SH3RF2: variants seen among roughly 807,000 people sequenced by gnomAD.
SH3RF2 encodes the protein SH3 domain containing ring finger 2, also known as E3 ubiquitin-protein ligase SH3RF2.
Under a neutral mutation model 59.0 loss-of-function variants are expected in SH3RF2, and 43 were observed. The observed-to-expected ratio is 0.73, with a 90% CI of 0.57 to 0.94. SH3RF2 has a LOEUF of 0.94. Among genes scored for constraint, SH3RF2 ranks in the 40% least tolerant of loss-of-function variants. The pLI, the probability that SH3RF2 is intolerant of heterozygous loss-of-function variation, is 0.00. For missense variants in SH3RF2, 930 were observed against 940.1 expected (o/e 0.99, Z 0.14); for synonymous variants, 391 against 391.5 (o/e 1.00, Z 0.01).
At chr5:146,075,778 TA>T (rs56300547) in intron 9 of SH3RF2, among the ~76,000 whole-genome samples, 1,184 of 76,870 alleles carry the variant, frequency 0.015, 2 homozygotes, top group African/African-American at 0.024. Context: ...AAATTCCATG[TA>T]AAAAAAAAAA....
intron 2 of SH3RF2, among the ~76,000 whole-genome samples, chr5:145,985,971 T>C (rs962977667): frequency 2.6e-5 from 4 of 151,736 alleles, no homozygotes; most frequent in Non-Finnish European, 5.9e-5. Flanking sequence ...ACTGCTGCAC[T>C]CCAGCCTGGG....
intron 2 of SH3RF2, among the ~76,000 whole-genome samples, chr5:145,939,008 A>T (rs1757707057): frequency 6.6e-6 from 1 of 152,272 alleles, no homozygotes; most frequent in Non-Finnish European, 1.5e-5. Flanking sequence ...AAACAGACCC[A>T]GTTACGCCTC....
In SH3RF2 at chr5:146,062,620, C is replaced by A. The variant is rs1276968275; in HGVS notation, c.2109C>A (p.Leu703=). The A allele has an allele frequency of 1.9e-6, 3 of 1,614,092 alleles. No individual in the cohort carries two copies. In the Admixed American group the frequency reaches 5.0e-5, roughly 27 times the overall value. Residue 703 remains leucine, a synonymous_variant, in exon 10 of 10, where the codon CTC becomes CTA. Coordinates refer to ENST00000359120, the MANE Select transcript of SH3RF2 (RefSeq NM_152550.4). ...SGCHSGQQTD[L]RRKSALGKAT... ...GCCACTCCGGACAGCAGACAGACCTCCGGAGAAAGTCAGCTCTTGGCAAGG... is the reference window on the plus strand; with the variant it reads ...GCCACTCCGGACAGCAGACAGACCTACGGAGAAAGTCAGCTCTTGGCAAGG...
chr5:146,075,778 TAAAAAAAAAAAAAA>T (rs56300547), intron 9 of SH3RF2, among the ~76,000 whole-genome samples: 4,469 of 77,006 alleles, frequency 0.058, 277 homozygotes, highest in African/African-American at 0.19. Flanking sequence ...AAATTCCATG[TAAAAAAAAAAAAAA>T]AAAAAAAAAA....
intron 4 of SH3RF2, among the ~76,000 whole-genome samples, chr5:146,010,607 A>G (rs1379527960): frequency 6.6e-6 from 1 of 152,064 alleles, no homozygotes; most frequent in Non-Finnish European, 1.5e-5. Flanking sequence ...TGTGGTTTTG[A>G]TTTGCATTTC....
At chr5:146,048,974 T>G in intron 6 of SH3RF2, 101 bp from the exon 7 acceptor site, 1 of 1,405,486 alleles carries the variant, frequency 7.1e-7, no homozygotes, top group South Asian at 1.2e-5. Flanking sequence ...AAGGTTCTTA[T>G]TGCTAACCAC....
intron 2 of SH3RF2, among the ~76,000 whole-genome samples, chr5:145,964,944 G>A (rs952997605): frequency 6.6e-6 from 1 of 152,150 alleles, no homozygotes; most frequent in Non-Finnish European, 1.5e-5. Flanking sequence ...TGTAATCTCA[G>A]CACTTTGGGA....
chr5:146,049,728 C>A (rs1400597320), intron 7 of SH3RF2, among the ~76,000 whole-genome samples: 5 of 152,086 alleles, frequency 3.3e-5, no homozygotes, highest in Admixed American at 2.6e-4. Flanking sequence ...TGAACTGAGA[C>A]CCCTACCTCT....
At chr5:146,006,603 A>T (rs1365986495) in intron 4 of SH3RF2, among the ~76,000 whole-genome samples, 1 of 152,124 alleles carries the variant, frequency 6.6e-6, no homozygotes, top group Non-Finnish European at 1.5e-5. Context: ...TAGCCAGGGG[A>T]AAAAGGAAGT....
At chr5:146,014,209 T>A (rs1761023636) in intron 5 of SH3RF2, 148 bp downstream of exon 5, 1 of 771,810 alleles carries the variant, frequency 1.3e-6, no homozygotes. Flanking sequence ...ATGTTAGAAT[T>A]GTATAAACCT....
chr5:146,005,676 C>T (rs1760613962), intron 4 of SH3RF2, among the ~76,000 whole-genome samples: 1 of 152,150 alleles, frequency 6.6e-6, no homozygotes, highest in Admixed American at 6.5e-5. Flanking sequence ...AGATACACCA[C>T]CCAATTCTCT....
At position 146,069,358 on chromosome 5, in the gene SH3RF2, C is replaced by T. The variant is rs1225870484; in HGVS notation, c.*33+6624C>T. 2.6e-5 allele frequency among the ~76,000 whole-genome samples: 4 copies of T among 152,110 alleles called. No individual in the cohort carries two copies. The East Asian group carries it at 7.7e-4, about 29-fold the overall frequency. On this transcript the variant is annotated intron_variant, in intron 9 of 9. Coordinates refer to the SH3RF2 transcript ENST00000511217. ...GGGAAATACAGGTTGTGGCCATGCC[C>T]AAATTGCTTGAGGGCTTTTAAGTGA... is the stretch of plus-strand genomic sequence containing the variant.
rs756621019 is a variant in SH3RF2 at position 146,042,303 on chromosome 5, C to A, written c.1060-5469C>A. 5.3e-5 allele frequency among the ~76,000 whole-genome samples: 8 copies of A among 152,264 alleles called. No homozygotes were observed. The South Asian group carries it at 1.0e-3, about 20-fold the overall frequency. ...TTGCCAGGCTGTACCATAAAAGGCA[C>A]CCCACCCACTCTGTCCCCACCCTAT... On this transcript the variant is annotated intron_variant, in intron 5 of 9. Coordinates refer to ENST00000359120, the MANE Select transcript of SH3RF2 (RefSeq NM_152550.4).
intron 5 of SH3RF2, among the ~76,000 whole-genome samples, chr5:146,042,244 C>T (rs1003795297): frequency 2.6e-5 from 4 of 152,174 alleles, no homozygotes; most frequent in Non-Finnish European, 5.9e-5. Flanking sequence ...CCCATGCCCA[C>T]CACATTCTTG....
intron 2 of SH3RF2, among the ~76,000 whole-genome samples, chr5:145,949,222 T>G (rs893014132): frequency 2.0e-5 from 3 of 152,162 alleles, no homozygotes; most frequent in Non-Finnish European, 4.4e-5. Context: ...CAAACCAGAA[T>G]GCAGCCAGAT....
At chr5:146,063,553 T>C (rs749526321), downstream of SH3RF2, among the ~76,000 whole-genome samples, 1 of 152,162 alleles carries the variant, frequency 6.6e-6, no homozygotes, top group African/African-American at 2.4e-5. Flanking sequence ...AGATATATAG[T>C]CTGACTTCAA....
chr5:146,045,034 G>T lies in SH3RF2; in HGVS notation c.1060-2738G>T, dbSNP rs1762257008. 2.6e-5 allele frequency among the ~76,000 whole-genome samples: 4 copies of T among 152,188 alleles called. No homozygotes were observed. The South Asian group carries it at 8.3e-4, about 32-fold the overall frequency. ...TCCCTAAAGGATTAATGGTGTTTGTGGATAGCAGTTCTTTTACTCAAACAT... is the reference window on the plus strand; with the variant it reads ...TCCCTAAAGGATTAATGGTGTTTGTTGATAGCAGTTCTTTTACTCAAACAT... On this transcript the variant is annotated intron_variant, in intron 5 of 9. Transcript: ENST00000359120.
intron 2 of SH3RF2, among the ~76,000 whole-genome samples, chr5:145,983,394 CA>C (rs1276824229): frequency 1.3e-5 from 2 of 152,066 alleles, no homozygotes; most frequent in Non-Finnish European, 2.9e-5. Context: ...ACAACAAAAA[CA>C]AGAAAGTCTT....
intron 4 of SH3RF2, among the ~76,000 whole-genome samples, chr5:146,006,949 T>C (rs1189286474): frequency 6.6e-6 from 1 of 152,090 alleles, no homozygotes; most frequent in Non-Finnish European, 1.5e-5. Context: ...AAAGAGTGAG[T>C]TGTATCACCA....
Sources: gnomAD v4.1 joint callset for allele counts (sites outside exome capture counted in the v4.1 genomes callset) on GRCh38, gnomAD v4.1.1 for gene constraint, MANE v1.5 for transcripts, NCBI Gene and HGNC (gene_info 2026-07-23, HGNC 2026-07-21) for gene names.